Variants in MON2 observed in about 807,000 individuals in gnomAD.
The protein encoded by MON2 is MON2 regulator of endosome-to-Golgi trafficking.
In MON2, 84 loss-of-function variants were observed where a neutral mutation model predicts 208.6. The ratio of observed to expected loss-of-function variants is 0.40; its 90% confidence interval spans 0.34 to 0.48. The LOEUF is 0.48. Among genes scored for constraint, MON2 ranks in the 20% least tolerant of loss-of-function variants. The probability of loss-of-function intolerance (pLI) is 0.59; values close to 1 mark genes in which losing one functional copy is unlikely to be tolerated. For synonymous variants in MON2, 660 were observed against 694.0 expected, an observed-to-expected ratio of 0.95 and a Z score of 0.77; for missense variants, 1,611 against 2,015.4, an observed-to-expected ratio of 0.80 and a Z score of 3.84.
chr12:62,557,944 ATATATATATATATATATATTTTTTTTTTT>A (rs1414319435), intron 25 of MON2, among the ~76,000 whole-genome samples: 11 of 43,088 alleles, frequency 2.6e-4, no homozygotes, highest in African/African-American at 1.3e-3. Flanking sequence ...ATATATATAT[ATATATATATATATATATATTTTTTTTTTT>A]TTTTTTTTTT....
At chr12:62,488,995 A>G (rs905649850) in intron 2 of MON2, among the ~76,000 whole-genome samples, 23 of 152,138 alleles carry the variant, frequency 1.5e-4, no homozygotes, top group Admixed American at 7.2e-4. Flanking sequence ...AACTTAAACT[A>G]TAATAAAGAA....
At chr12:62,544,149 T>C (rs1158412281) in intron 20 of MON2, among the ~76,000 whole-genome samples, 2 of 152,128 alleles carry the variant, frequency 1.3e-5, no homozygotes, top group African/African-American at 4.8e-5. Flanking sequence ...GTATTATTCT[T>C]AGTAAGAAAA....
chr12:62,513,899 G>A lies in MON2; in HGVS notation c.984+5419G>A, dbSNP rs1286899387. Among the ~76,000 whole-genome samples the A allele has an allele frequency of 4.1e-5, 6 of 146,060 alleles. No homozygotes were observed. In the South Asian group the frequency reaches 8.7e-4, roughly 21 times the overall value. ...CAGGAGGCAGAGCTTGCAATGAGCC[G>A]AGATCGCTCCACTGCACTCCAGCCT... On this transcript the variant is annotated intron_variant, in intron 8 of 34. Transcript: ENST00000393630.
chr12:62,552,978 G>A lies in MON2; in HGVS notation c.3014G>A (p.Gly1005Glu). Residue 1005 changes from glycine (G) to glutamate (E), a missense_variant, in exon 24 of 35, where the codon GGA becomes GAA. Physicochemically the swap from Gly to Glu is moderately conservative, Grantham distance 98. Coordinates refer to ENST00000393630, the MANE Select transcript of MON2 (RefSeq NM_015026.3). ...AAQQKQAEEK[G>E]VVLNRPFHPA... ...CAGCAAAAGCAGGCAGAAGAGAAAG[G>A]AGTTGTTTTAAATCGGCCATTCCAC... The A allele has an allele frequency of 6.2e-7, 1 of 1,614,198 alleles. No individual in the cohort carries two copies. The highest frequency in any genetic ancestry group is 8.5e-7 in the Non-Finnish European group (1 of 1,180,010).
intron 8 of MON2, among the ~76,000 whole-genome samples, chr12:62,520,366 T>G (rs961954345): frequency 6.6e-6 from 1 of 152,190 alleles, no homozygotes; most frequent in Non-Finnish European, 1.5e-5. Context: ...TGATTTTTGT[T>G]TGAAAGCTCA....
chr12:62,507,170 G>A (rs1470054136), intron 7 of MON2, among the ~76,000 whole-genome samples: 1 of 152,070 alleles, frequency 6.6e-6, no homozygotes, highest in African/African-American at 2.4e-5. Context: ...CTGCATGAAT[G>A]GAATTGTTCT....
chr12:62,537,830 A>G, intron 16 of MON2, 124 bp downstream of exon 16: 6 of 782,448 alleles, frequency 7.7e-6, no homozygotes, highest in East Asian at 2.7e-5. Flanking sequence ...GTATGAAAAA[A>G]GAGAAGTTAG....
At chr12:62,525,273 T>C (rs770701176) in intron 10 of MON2, 53 bp downstream of exon 10, 1 of 1,577,336 alleles carries the variant, frequency 6.3e-7, no homozygotes, top group Non-Finnish European at 8.7e-7. Flanking sequence ...AGTTACAGTA[T>C]TGACTGTTCT....
intron 8 of MON2, among the ~76,000 whole-genome samples, chr12:62,522,088 A>G (rs940362108): frequency 2.0e-5 from 3 of 150,722 alleles, no homozygotes; most frequent in Non-Finnish European, 4.4e-5. Flanking sequence ...TCAGGAGGCT[A>G]AGGCACAAGA....
intron 7 of MON2, among the ~76,000 whole-genome samples, chr12:62,505,092 T>G (rs1165013086): frequency 5.3e-5 from 8 of 152,200 alleles, no homozygotes; most frequent in Admixed American, 3.9e-4. Flanking sequence ...AGCTTTGCCT[T>G]TTGCCTCAAT....
chr12:62,530,550 T>C (rs2072585206), intron 11 of MON2, among the ~76,000 whole-genome samples: 2 of 152,154 alleles, frequency 1.3e-5, no homozygotes, highest in Non-Finnish European at 2.9e-5. Flanking sequence ...GTTTTGAAGG[T>C]TCATCTGTGT....
intron 30 of MON2, among the ~76,000 whole-genome samples, chr12:62,575,254 C>G (rs975827734): frequency 7.2e-5 from 11 of 152,304 alleles, no homozygotes; most frequent in African/African-American, 2.4e-4. Flanking sequence ...CTTTAAGGCT[C>G]AAATTGAAAG....
At position 62,524,622 on chromosome 12, in the gene MON2, G is replaced by A. The variant is rs2072239540; in HGVS notation, c.1092G>A (p.Val364=). 6.2e-7 allele frequency: 1 copy of A among 1,612,984 alleles called. No individual in the cohort carries two copies. Among genetic ancestry groups the A allele is most frequent in the Non-Finnish European group, 8.5e-7 (1 of 1,179,384 alleles). Residue 364 remains valine, a synonymous_variant, in exon 9 of 35, where the codon GTG becomes GTA. Coordinates refer to ENST00000393630, the MANE Select transcript of MON2 (RefSeq NM_015026.3). The part of the protein sequence containing the change: ...VAVESIHRFC[V]QPQLLRSFCQ... Reference sequence around the variant, plus strand: ...TGGAATCAATACACAGATTCTGTGTGCAGCCTCAACTATTAAGGTAAAACC... The same window carrying A: ...TGGAATCAATACACAGATTCTGTGTACAGCCTCAACTATTAAGGTAAAACC...
intron 15 of MON2, 121 bp from the exon 16 acceptor site, chr12:62,537,481 C>A (rs2073030352): frequency 5.1e-6 from 4 of 779,310 alleles, no homozygotes; most frequent in South Asian, 4.3e-5. Context: ...TAAAACCTTC[C>A]AAATCTTTTT....
intron 1 of MON2, among the ~76,000 whole-genome samples, chr12:62,471,007 TAGAC>T (rs1355787736): frequency 6.6e-6 from 1 of 152,136 alleles, no homozygotes; most frequent in Non-Finnish European, 1.5e-5. Context: ...TGCATTGAGT[TAGAC>T]AGTAGTGAAA....
In MON2 at chr12:62,534,531, A is replaced by T. The variant is rs1456356356; in HGVS notation, c.1634-314A>T. On this transcript the variant is annotated intron_variant, in intron 12 of 34. Transcript: ENST00000393630. ...AAGACTCCATCGCAAAAAAAAAAAA[A>T]AAAAAAAAAAAATATATATATATAT... 5.6e-3 allele frequency among the ~76,000 whole-genome samples: 218 copies of T among 39,230 alleles called. 4 individuals carry two copies. The highest frequency in any genetic ancestry group is 0.033 in the African/African-American group (202 of 6,188). The allele number at this position is 39,230 out of a possible 152,430, so 25.7% of individuals were successfully genotyped here.
At chr12:62,522,740 T>C (rs181601154) in intron 8 of MON2, among the ~76,000 whole-genome samples, 1 of 152,338 alleles carries the variant, frequency 6.6e-6, no homozygotes, top group Admixed American at 6.5e-5. Context: ...TTTTCTCCAT[T>C]GAGGCCCTTG....
At chr12:62,555,210 CTG>C (rs1303251606) in intron 24 of MON2, among the ~76,000 whole-genome samples, 1 of 151,972 alleles carries the variant, frequency 6.6e-6, no homozygotes, top group Non-Finnish European at 1.5e-5. Flanking sequence ...GGATCTCACT[CTG>C]TTGCCCAGGA....
Position 62,510,002 on chromosome 12 carries a change from T to C in MON2, c.984+1522T>C, listed in dbSNP as rs1203641407. Among the ~76,000 whole-genome samples the C allele has an allele frequency of 2.0e-5, 3 of 151,302 alleles. No homozygotes were observed. In the South Asian group the frequency reaches 6.3e-4, roughly 32 times the overall value. On this transcript the variant is annotated intron_variant, in intron 8 of 34. Transcript: ENST00000393630. The stretch of plus-strand genomic sequence containing the variant: ...CAACTGATGCCACAGAAATAAGAAA[T>C]TTAAAGGATCATAAAAGACTACTAG...
Sources: gnomAD v4.1 joint callset for allele counts (sites outside exome capture counted in the v4.1 genomes callset) on GRCh38, gnomAD v4.1.1 for gene constraint, MANE v1.5 for transcripts, NCBI Gene and HGNC (gene_info 2026-07-23, HGNC 2026-07-21) for gene names.